Variants in EPB41L5 observed in about 807,000 individuals in gnomAD.
EPB41L5 encodes band 4.1-like protein 5.
In EPB41L5, 55 loss-of-function variants were observed where a neutral mutation model predicts 106.6. That is an observed-to-expected ratio of 0.52 (90% CI 0.42 to 0.65). The LOEUF is 0.65. EPB41L5 is among the 30% of genes least tolerant of loss of function. EPB41L5 has a pLI of 0.00. For missense variants in EPB41L5, 871 were observed against 882.1 expected (o/e 0.99, Z 0.16); for synonymous variants, 297 against 306.7 (o/e 0.97, Z 0.33).
At chr2:120,174,806 G>T in intron 24 of EPB41L5, 35 bp from the exon 25 acceptor site, 2 of 1,603,686 alleles carry the variant, frequency 1.2e-6, no homozygotes, top group Non-Finnish European at 1.7e-6. Context: ...AAACCCCAGG[G>T]GTTCCCTGAG....
intron 3 of EPB41L5, among the ~76,000 whole-genome samples, chr2:120,056,272 T>G (rs550176051): frequency 6.6e-6 from 1 of 152,236 alleles, no homozygotes; most frequent in South Asian, 2.1e-4. Context: ...CTTGAATTTT[T>G]GGGATAAATC....
intron 3 of EPB41L5, among the ~76,000 whole-genome samples, chr2:120,045,183 C>G (rs1332094938): frequency 1.3e-5 from 2 of 152,108 alleles, no homozygotes; most frequent in African/African-American, 4.8e-5. Flanking sequence ...TAGATCAGTC[C>G]AAAACGTCTA....
chr2:120,142,213 A>G (rs1686206807), intron 18 of EPB41L5, among the ~76,000 whole-genome samples: 1 of 150,944 alleles, frequency 6.6e-6, no homozygotes, highest in African/African-American at 2.4e-5. Context: ...ATACATTTAT[A>G]TTATTTATTT....
intron 3 of EPB41L5, among the ~76,000 whole-genome samples, chr2:120,072,309 A>G (rs1681924630): frequency 6.6e-6 from 1 of 152,134 alleles, no homozygotes; most frequent in South Asian, 2.1e-4. Flanking sequence ...GATGTGGAGA[A>G]ATAGGAATGC....
rs6726259 is a variant in EPB41L5 at position 120,038,560 on chromosome 2, C to G, written c.181-3446C>G. ...ATGCTTGAGGCCAAGAGTTCAAGAC[C>G]AGCCTGGCCAACATGGCAAAACCCT... On this transcript the variant is annotated intron_variant, in intron 2 of 24. Transcript: ENST00000263713. Among the ~76,000 whole-genome samples the G allele has an allele frequency of 5.3e-3, 801 of 152,256 alleles. 4 individuals are homozygous for G. The highest frequency in any genetic ancestry group is 0.019 in the African/African-American group (771 of 41,538).
At chr2:120,164,000 T>TTTTTTTG (rs1558915861) in intron 21 of EPB41L5, among the ~76,000 whole-genome samples, 1 of 133,692 alleles carries the variant, frequency 7.5e-6, no homozygotes. Flanking sequence ...TTTTTTTTTT[T>TTTTTTTG]GAGATGGAGT....
At position 120,093,221 on chromosome 2, in the gene EPB41L5, T is replaced by C. The variant is rs779013323; in HGVS notation, c.1151-28T>C. On this transcript the variant is annotated intron_variant, in intron 13 of 24. Transcript: ENST00000263713. ...AGTTTATCATGTAAGATGAAACTAA[T>C]GAGGTGTTATCTTTTTTCTTCTGTT... 1.4e-5 allele frequency: 23 copies of C among 1,601,986 alleles called. No homozygotes were observed. The Admixed American group carries it at 3.2e-4, about 22-fold the overall frequency.
At chr2:120,093,180 C>T in intron 13 of EPB41L5, 69 bp from the exon 14 acceptor site, 1 of 1,286,626 alleles carries the variant, frequency 7.8e-7, no homozygotes, top group Non-Finnish European at 1.1e-6. Context: ...TAAAGTTTTG[C>T]TTTGAATAGT....
chr2:120,095,853 A>G (rs1683718881), intron 14 of EPB41L5, among the ~76,000 whole-genome samples: 1 of 152,064 alleles, frequency 6.6e-6, no homozygotes, highest in Non-Finnish European at 1.5e-5. Context: ...GATTTTTAGT[A>G]GAGACAGGAT....
At chr2:120,114,635 AT>A (rs1288327461) in intron 16 of EPB41L5, among the ~76,000 whole-genome samples, 2 of 152,198 alleles carry the variant, frequency 1.3e-5, no homozygotes, top group African/African-American at 2.4e-5. Context: ...TTATTATTGA[AT>A]TGTGAGAGTT....
At chr2:120,054,982 T>G (rs1274130975) in intron 3 of EPB41L5, among the ~76,000 whole-genome samples, 1 of 151,192 alleles carries the variant, frequency 6.6e-6, no homozygotes, top group Admixed American at 6.6e-5. Flanking sequence ...TTCTCCTGCC[T>G]CAGCCTCCCA....
At chr2:120,127,634 T>A in intron 16 of EPB41L5, 54 bp from the exon 17 acceptor site, 1 of 1,476,752 alleles carries the variant, frequency 6.8e-7, no homozygotes, top group Non-Finnish European at 9.2e-7. Context: ...AGTAGTGTTT[T>A]AATTTTTCAA....
In EPB41L5 at chr2:120,087,191, A is replaced by C. The variant is rs540650616; in HGVS notation, c.824A>C (p.Asp275Ala). Residue 275 changes from aspartate to alanine, a missense_variant, in exon 11 of 25, where the codon GAT (aspartate) becomes GCT (alanine). Physicochemically the swap from Asp to Ala is moderately radical, Grantham distance 126. Coordinates refer to ENST00000263713, the MANE Select transcript of EPB41L5 (RefSeq NM_020909.4). Reference protein sequence around the residue: ...LFFWPKITRLDFKKNKLTLVV... With the variant: ...LFFWPKITRLAFKKNKLTLVV... ...TATAGGCCGAAGATAACCAGATTGGATTTTAAGAAGAATAAATTAACCTTG... is the reference window on the plus strand; with the variant it reads ...TATAGGCCGAAGATAACCAGATTGGCTTTTAAGAAGAATAAATTAACCTTG... The C allele has an allele frequency of 6.3e-7, 1 of 1,588,374 alleles. No individual in the cohort carries two copies. Among genetic ancestry groups the C allele is most frequent in the African/African-American group, 1.3e-5 (1 of 74,392 alleles).
chr2:120,049,645 A>G (rs541059624), intron 3 of EPB41L5, among the ~76,000 whole-genome samples: 27 of 152,046 alleles, frequency 1.8e-4, no homozygotes, highest in Admixed American at 8.5e-4. Flanking sequence ...TTTTAATTGG[A>G]GCATTTAGCC....
chr2:120,097,601 A>G (rs1029450899), intron 14 of EPB41L5, among the ~76,000 whole-genome samples: 1 of 152,248 alleles, frequency 6.6e-6, no homozygotes, highest in Non-Finnish European at 1.5e-5. Context: ...CATTTCAATT[A>G]CTAGTACTTC....
intron 18 of EPB41L5, among the ~76,000 whole-genome samples, chr2:120,138,906 GAACTCATAGTACCTGACTTCAAATT>G (rs755899248): frequency 2.2e-4 from 33 of 151,966 alleles, no homozygotes; most frequent in Non-Finnish European, 4.4e-4. Flanking sequence ...CGAAACTTTA[GAACTCATAGTACCTGACTTCAAATT>G]ATACTACAGA....
intron 2 of EPB41L5, among the ~76,000 whole-genome samples, chr2:120,041,230 T>C (rs1176000054): frequency 6.6e-6 from 1 of 152,170 alleles, no homozygotes; most frequent in Non-Finnish European, 1.5e-5. Context: ...CTGTTTAATG[T>C]CTGGTTTAAT....
intron 17 of EPB41L5, chr2:120,128,099 T>C (rs1441297601): frequency 3.8e-6 from 1 of 263,440 alleles, no homozygotes; most frequent in Non-Finnish European, 7.1e-6. Flanking sequence ...CAAACTTGCT[T>C]TTTGCTTTTT....
chr2:120,024,686 C>A (rs1206196688), intron 2 of EPB41L5, among the ~76,000 whole-genome samples: 1 of 152,154 alleles, frequency 6.6e-6, no homozygotes, highest in Non-Finnish European at 1.5e-5. Flanking sequence ...GTCTCGGTCT[C>A]CTGACCTCAT....
Sources: gnomAD v4.1 joint callset for allele counts (sites outside exome capture counted in the v4.1 genomes callset) on GRCh38, gnomAD v4.1.1 for gene constraint, MANE v1.5 for transcripts, NCBI Gene and HGNC (gene_info 2026-07-23, HGNC 2026-07-21) for gene names.